DYNLT2B: variants seen among roughly 807,000 people sequenced by gnomAD.
DYNLT2B encodes the protein dynein light chain Tctex-type protein 2B.
DYNLT2B carries 14 observed loss-of-function variants against 19.5 expected under a neutral mutation model. The observed-to-expected ratio is 0.72, with a 90% CI of 0.47 to 1.12. The LOEUF (loss-of-function observed/expected upper bound fraction) is 1.12. Ranked by LOEUF, DYNLT2B falls within the 50% of genes most tolerant of loss-of-function variation. DYNLT2B has a pLI of 0.00. For synonymous variants in DYNLT2B, 70 were observed against 59.7 expected (o/e 1.17, Z -0.79); for missense variants, 133 against 174.7 (o/e 0.76, Z 1.35).
intron 3 of DYNLT2B, among the ~76,000 whole-genome samples, chr3:196,299,605 A>T (rs1451140885): frequency 6.6e-6 from 1 of 152,110 alleles, no homozygotes; most frequent in Admixed American, 6.6e-5. Context: ...AGTAGAACTG[A>T]GCGTATCACA....
intron 2 of DYNLT2B, among the ~76,000 whole-genome samples, chr3:196,314,820 CAAAAACAAAACAAAACAAAA>C (rs1726733353): frequency 6.6e-6 from 1 of 151,164 alleles, no homozygotes; most frequent in Non-Finnish European, 1.5e-5. Flanking sequence ...GACCCTATTT[CAAAAACAAAACAAAACAAAA>C]AAAAACAAAA....
In DYNLT2B at chr3:196,291,356, C is replaced by T. The variant is rs1223188415; in HGVS notation, c.400G>A (p.Val134Ile). The T allele has an allele frequency of 6.2e-7, 1 of 1,610,496 alleles. No individual in the cohort carries two copies. Among genetic ancestry groups the T allele is most frequent in the South Asian group, 1.1e-5 (1 of 90,234 alleles). ...VFMNDSLFCVVAAFGCFYY is the reference protein window; with the variant it reads ...VFMNDSLFCVIAAFGCFYY ...TAGTAGAAACAGCCAAATGCTGCTA[C>T]AACGCAGAATAAACTGTCCTAAAAA... The change falls in exon 5 of 5, where the codon GTA becomes ATA. Residue 134 changes from valine (V) to isoleucine (I), a missense_variant. Transcript: ENST00000325318.
intron 1 of DYNLT2B, among the ~76,000 whole-genome samples, chr3:196,317,515 C>T (rs111713120): frequency 2.8e-3 from 308 of 109,302 alleles, no homozygotes; most frequent in Middle Eastern, 0.018. Flanking sequence ...TTAGTGATCT[C>T]ACAAACCTAG....
chr3:196,293,905 A>T (rs1726156992), intron 4 of DYNLT2B, among the ~76,000 whole-genome samples: 1 of 150,158 alleles, frequency 6.7e-6, no homozygotes, highest in East Asian at 2.1e-4. Flanking sequence ...GGCCTCCCAG[A>T]GTGCTGGGAT....
rs753928443 is a variant in DYNLT2B, at chr3:196,318,202, T to C, written c.-50A>G. 1 of 1,176,978 alleles carries C rather than the reference T, an allele frequency of 8.5e-7. No individual in the cohort carries two copies. Among genetic ancestry groups the C allele is most frequent in the African/African-American group, 1.6e-5 (1 of 62,218 alleles). The allele number at this position is 1,176,978 out of a possible 1,614,324, so 72.9% of individuals were successfully genotyped here. A position where few individuals can be genotyped will look rare whatever the true frequency, so the allele number is the denominator to read the frequency against. ...AGCTCGCGATGAAGGCCTAGCGGGTTGCGGTCGCGGCCGGCAGCAGGGAAA... is the reference window on the plus strand; with the variant it reads ...AGCTCGCGATGAAGGCCTAGCGGGTCGCGGTCGCGGCCGGCAGCAGGGAAA... On this transcript the variant is annotated 5_prime_UTR_variant, in exon 1 of 5. Coordinates refer to ENST00000325318, the MANE Select transcript of DYNLT2B (RefSeq NM_152773.5).
chr3:196,305,108 T>C (rs997317032), intron 3 of DYNLT2B, among the ~76,000 whole-genome samples: 25 of 152,088 alleles, frequency 1.6e-4, no homozygotes, highest in African/African-American at 5.6e-4. Flanking sequence ...GGTCTGGAAC[T>C]CCTGGGCTCA....
chr3:196,300,287 T>C (rs547791225), intron 3 of DYNLT2B, among the ~76,000 whole-genome samples: 1 of 152,302 alleles, frequency 6.6e-6, no homozygotes. Flanking sequence ...AGGAAACTAG[T>C]ACACTAAGGA....
intron 3 of DYNLT2B, among the ~76,000 whole-genome samples, chr3:196,297,217 C>T (rs922100106): frequency 5.3e-5 from 8 of 151,620 alleles, no homozygotes; most frequent in Admixed American, 2.0e-4. Context: ...AAGCTATTCA[C>T]AATATAATGT....
At chr3:196,295,695 G>A (rs563661178) in intron 4 of DYNLT2B, among the ~76,000 whole-genome samples, 82 of 152,240 alleles carry the variant, frequency 5.4e-4, no homozygotes, top group African/African-American at 1.9e-3. Flanking sequence ...TTGAGTTTTA[G>A]AACACTGATT....
chr3:196,313,914 A>G (rs1405675809), intron 2 of DYNLT2B, among the ~76,000 whole-genome samples: 1 of 151,988 alleles, frequency 6.6e-6, no homozygotes, highest in African/African-American at 2.4e-5. Flanking sequence ...CCTGACCAAC[A>G]TGGAGAAACC....
chr3:196,296,229 AGT>A, intron 3 of DYNLT2B, 160 bp from the exon 4 acceptor site: 2 of 623,974 alleles, frequency 3.2e-6, no homozygotes, highest in Non-Finnish European at 5.6e-6. Flanking sequence ...TGTACCAGAG[AGT>A]ATACTGGGTA....
At position 196,292,266 on chromosome 3, in the gene DYNLT2B, C is replaced by T. The variant is rs1032311968; in HGVS notation, c.382-892G>A. ...GCATTTATTACAAGATTTCCACCTG[C>T]CTCAGCAACTCCTGCACCACTAACC... On this transcript the variant is annotated intron_variant, in intron 4 of 4. Transcript: ENST00000325318. 26 of 152,226 alleles carry T rather than the reference C, an allele frequency of 1.7e-4. 1 individual carries two copies. Among genetic ancestry groups the T allele is most frequent in the Admixed American group, 1.5e-3 (23 of 15,274 alleles). The allele number at this position is 152,226 out of a possible 1,614,324, so 9.4% of individuals were successfully genotyped here. A position where few individuals can be genotyped will look rare whatever the true frequency, so the allele number is the denominator to read the frequency against.
At chr3:196,304,085 C>T (rs773252417) in intron 3 of DYNLT2B, among the ~76,000 whole-genome samples, 7 of 152,148 alleles carry the variant, frequency 4.6e-5, no homozygotes, top group Non-Finnish European at 8.8e-5. Context: ...GCTAACTCTG[C>T]AACTTTTCTA....
intron 3 of DYNLT2B, among the ~76,000 whole-genome samples, chr3:196,297,068 C>T (rs1197136847): frequency 6.6e-6 from 1 of 150,918 alleles, no homozygotes; most frequent in African/African-American, 2.4e-5. Context: ...CGGCAGGCAC[C>T]AGTAGTCCCA....
intron 3 of DYNLT2B, among the ~76,000 whole-genome samples, chr3:196,299,367 G>A (rs186198040): frequency 2.2e-3 from 337 of 152,070 alleles, no homozygotes; most frequent in African/African-American, 7.5e-3. Flanking sequence ...TTACAGGCAT[G>A]AGCCACTGTG....
chr3:196,311,287 C>G (rs1373838172), intron 2 of DYNLT2B, among the ~76,000 whole-genome samples: 1 of 151,678 alleles, frequency 6.6e-6, no homozygotes, highest in African/African-American at 2.4e-5. Flanking sequence ...TGGTGGCAGG[C>G]GCCTGTAGTC....
chr3:196,316,312 T>G, intron 1 of DYNLT2B, 81 bp from the exon 2 acceptor site: 3 of 1,444,220 alleles, frequency 2.1e-6, no homozygotes, highest in Non-Finnish European at 1.9e-6. Context: ...CTCCCATCTT[T>G]TTGTCATTAG....
intron 2 of DYNLT2B, among the ~76,000 whole-genome samples, chr3:196,307,513 G>C (rs374328194): frequency 6.6e-6 from 1 of 151,992 alleles, no homozygotes. Flanking sequence ...ATGTTGCCCA[G>C]GCTGGTCTCG....
chr3:196,312,143 G>C (rs972397142), intron 2 of DYNLT2B, among the ~76,000 whole-genome samples: 5 of 152,162 alleles, frequency 3.3e-5, no homozygotes, highest in Non-Finnish European at 5.9e-5. Context: ...GCCTCCCTAA[G>C]TGCTGGGATT....
Sources: gnomAD v4.1 joint callset for allele counts (sites outside exome capture counted in the v4.1 genomes callset) on GRCh38, gnomAD v4.1.1 for gene constraint, MANE v1.5 for transcripts, NCBI Gene and HGNC (gene_info 2026-07-23, HGNC 2026-07-21) for gene names.